WASF2: variants seen among roughly 807,000 people sequenced by gnomAD.
The protein encoded by WASF2 is actin-binding protein WASF2.
Under a neutral mutation model 45.0 loss-of-function variants are expected in WASF2, and 14 were observed. The observed-to-expected ratio is 0.31, with a 90% CI of 0.21 to 0.49. The LOEUF (loss-of-function observed/expected upper bound fraction) is 0.49, where lower values mean the gene tolerates loss of function less well. Among genes scored for constraint, WASF2 ranks in the 20% least tolerant of loss-of-function variants. WASF2 has a pLI of 0.99. For synonymous variants in WASF2, 200 were observed against 236.3 expected (o/e 0.85, Z 1.41); for missense variants, 439 against 636.1 (o/e 0.69, Z 3.33).
In WASF2 at chr1:27,456,782, T is replaced by A. The variant is rs112508650; in HGVS notation, c.-43-27849A>T. ...CAGAGTCTCATTCTGTCACCCAGGC[T>A]GGAATGCAATGGTGCGATCTCAGCT... On this transcript the variant is annotated intron_variant, in intron 1 of 8. Coordinates refer to ENST00000618852, the MANE Select transcript of WASF2 (RefSeq NM_006990.5). Among the ~76,000 whole-genome samples the A allele has an allele frequency of 5.4e-3, 822 of 151,170 alleles. 5 individuals are homozygous for A. Among genetic ancestry groups the A allele is most frequent in the African/African-American group, 0.018 (733 of 41,120 alleles).
intron 1 of WASF2, among the ~76,000 whole-genome samples, chr1:27,478,956 T>C (rs2017809052): frequency 6.6e-6 from 1 of 152,128 alleles, no homozygotes; most frequent in African/African-American, 2.4e-5. Context: ...TCTAATTATA[T>C]ACTTCCATCT....
rs2016773484 is a variant in WASF2 at position 27,412,461 on chromosome 1, T to C, written c.824+111A>G. On this transcript the variant is annotated intron_variant, in intron 7 of 8. Transcript: ENST00000618852. ...GGCCTCACGAGATCCTCCCACCACC[T>C]TGGCCTCCCAAAGAGCTGGGATTAC... The C allele has an allele frequency of 4.2e-6, 6 of 1,440,632 alleles. No homozygotes were observed. In the Admixed American group the frequency reaches 5.4e-5, roughly 13 times the overall value. The allele number at this position is 1,440,632 out of a possible 1,614,324, so 89.2% of individuals were successfully genotyped here.
chr1:27,427,305 TGAGA>T lies in WASF2; in HGVS notation c.130+1452_130+1455del, dbSNP rs1296282752. Among the ~76,000 whole-genome samples, 6 of 152,258 alleles carry T rather than the reference TGAGA, an allele frequency of 3.9e-5. No individual in the cohort carries two copies. The East Asian group carries it at 1.2e-3, about 29-fold the overall frequency. On this transcript the variant is annotated intron_variant, in intron 2 of 8. Transcript: ENST00000618852. ...ATCAACACCACCCTGGAAAAATAGC[TGAGA>T]GAGAGCGTAACTTCAGTAAGTGGAA...
At chr1:27,418,711 C>T (rs1010674219) in intron 3 of WASF2, among the ~76,000 whole-genome samples, 2 of 151,776 alleles carry the variant, frequency 1.3e-5, no homozygotes, top group Non-Finnish European at 1.5e-5. Flanking sequence ...TAGCAAAATA[C>T]GATTGAGGGA....
At position 27,405,383 on chromosome 1, in the gene WASF2, G is replaced by A. The variant is rs775836367; in HGVS notation, c.*2806C>T. ...AGCTGGGCCCCAGGGCCACAGGAAT[G>A]GGGGCAGGTCCCTTGGGCGGGGTGA... is the stretch of plus-strand genomic sequence containing the variant. On this transcript the variant is annotated 3_prime_UTR_variant, in exon 9 of 9. Coordinates refer to ENST00000618852, the MANE Select transcript of WASF2 (RefSeq NM_006990.5). 1.3e-5 allele frequency: 2 copies of A among 152,366 alleles called. No homozygotes were observed. Among genetic ancestry groups the A allele is most frequent in the Non-Finnish European group, 2.9e-5 (2 of 68,156 alleles). 9.4% of individuals were successfully genotyped at this position (152,366 alleles called of 1,614,324 possible). A position where few individuals can be genotyped will look rare whatever the true frequency, so the allele number is the denominator to read the frequency against.
At chr1:27,439,286 A>C (rs2017177016) in intron 1 of WASF2, among the ~76,000 whole-genome samples, 1 of 152,006 alleles carries the variant, frequency 6.6e-6, no homozygotes, top group East Asian at 1.9e-4. Context: ...CCTAGCACAG[A>C]ATAATTAAAA....
At chr1:27,465,804 C>T (rs554376479) in intron 1 of WASF2, among the ~76,000 whole-genome samples, 5 of 152,214 alleles carry the variant, frequency 3.3e-5, no homozygotes, top group Admixed American at 6.5e-5. Context: ...AACACAATAT[C>T]GCAATAAGAG....
At chr1:27,420,122 C>T (rs576912744) in intron 2 of WASF2, among the ~76,000 whole-genome samples, 35 of 152,238 alleles carry the variant, frequency 2.3e-4, no homozygotes, top group African/African-American at 7.7e-4. Flanking sequence ...CCAGGCTGGT[C>T]TCAAACTCCT....
rs577467574 is a variant in WASF2 at position 27,468,707 on chromosome 1, C to T, written c.-44+21279G>A. ...AAAAAGACGTAAAAGAGGCCGGGCACGGTGGTTCACGCCTGTAATCCCAGC... is the reference window on the plus strand; with the variant it reads ...AAAAAGACGTAAAAGAGGCCGGGCATGGTGGTTCACGCCTGTAATCCCAGC... On this transcript the variant is annotated intron_variant, in intron 1 of 8. Transcript: ENST00000618852. Among the ~76,000 whole-genome samples, 8 of 139,224 alleles carry T rather than the reference C, an allele frequency of 5.7e-5. No homozygotes were observed. In the East Asian group the frequency reaches 8.9e-4, roughly 15 times the overall value. The allele number at this position is 139,224 out of a possible 152,430, so 91.3% of individuals were successfully genotyped here.
At chr1:27,423,552 ATTC>A (rs1389797113) in intron 2 of WASF2, among the ~76,000 whole-genome samples, 1 of 152,234 alleles carries the variant, frequency 6.6e-6, no homozygotes, top group Non-Finnish European at 1.5e-5. Context: ...GATAGTATCT[ATTC>A]TTCAAGTGCT....
In WASF2 at chr1:27,483,478, A is replaced by G. The variant is rs1235487699; in HGVS notation, c.-44+6508T>C. Among the ~76,000 whole-genome samples, 3 of 152,046 alleles carry G rather than the reference A, an allele frequency of 2.0e-5. No homozygotes were observed. The East Asian group carries it at 5.8e-4, about 29-fold the overall frequency. On this transcript the variant is annotated intron_variant, in intron 1 of 8. Coordinates refer to ENST00000618852, the MANE Select transcript of WASF2 (RefSeq NM_006990.5). ...GAGCAAAACTCTGTCTCGGAAAACA[A>G]AAACAAAATTAGCCAGGCATGGTGG...
intron 1 of WASF2, among the ~76,000 whole-genome samples, chr1:27,430,487 A>G (rs1245793892): frequency 6.6e-6 from 1 of 152,048 alleles, no homozygotes; most frequent in Non-Finnish European, 1.5e-5. Context: ...CAGCCTCCCA[A>G]GTAGTTAGGA....
intron 1 of WASF2, among the ~76,000 whole-genome samples, chr1:27,456,238 C>T (rs1428332664): frequency 3.4e-5 from 5 of 146,168 alleles, no homozygotes; most frequent in African/African-American, 1.3e-4. Context: ...AGGAGAATGG[C>T]GTGAACCCAG....
intron 1 of WASF2, among the ~76,000 whole-genome samples, chr1:27,468,910 G>T (rs2017652212): frequency 6.8e-6 from 1 of 146,202 alleles, no homozygotes; most frequent in Non-Finnish European, 1.5e-5. Context: ...CAACAGAGTG[G>T]GACTCTGTCT....
At chr1:27,472,316 C>T (rs1400821121) in intron 1 of WASF2, among the ~76,000 whole-genome samples, 4 of 144,934 alleles carry the variant, frequency 2.8e-5, no homozygotes, top group Admixed American at 2.1e-4. Flanking sequence ...CAGAGCAAGA[C>T]GCCAACTCAA....
chr1:27,418,925 C>T (rs1160969143), intron 3 of WASF2, 29 bp downstream of exon 3: 1 of 1,601,648 alleles, frequency 6.2e-7, no homozygotes, highest in Non-Finnish European at 8.5e-7. Flanking sequence ...CTCAGCAGAG[C>T]CTGCAAATGC....
At chr1:27,487,588 A>T (rs1331942696) in intron 1 of WASF2, among the ~76,000 whole-genome samples, 8 of 96,910 alleles carry the variant, frequency 8.3e-5, no homozygotes, top group South Asian at 4.8e-4. Context: ...TATTATATAT[A>T]TTTTATATAA....
At chr1:27,428,233 T>C (rs2017013798) in intron 2 of WASF2, among the ~76,000 whole-genome samples, 3 of 152,124 alleles carry the variant, frequency 2.0e-5, no homozygotes, top group Admixed American at 2.0e-4. Context: ...CACAATTAAA[T>C]GTGTACCAGG....
At chr1:27,461,521 C>G (rs1270595729) in intron 1 of WASF2, among the ~76,000 whole-genome samples, 2 of 148,770 alleles carry the variant, frequency 1.3e-5, no homozygotes, top group East Asian at 4.0e-4. Flanking sequence ...AGTGCAGTGA[C>G]GACGGATCTT....
Sources: gnomAD v4.1 joint callset for allele counts (sites outside exome capture counted in the v4.1 genomes callset) on GRCh38, gnomAD v4.1.1 for gene constraint, MANE v1.5 for transcripts, NCBI Gene and HGNC (gene_info 2026-07-23, HGNC 2026-07-21) for gene names.